Variants in GLS observed in about 807,000 individuals in gnomAD.
GLS encodes glutaminase kidney isoform, mitochondrial.
Under a neutral mutation model 86.7 loss-of-function variants are expected in GLS, and 36 were observed. That is an observed-to-expected ratio of 0.42 (90% CI 0.32 to 0.55). The LOEUF (loss-of-function observed/expected upper bound fraction) is 0.55, where lower values mean the gene tolerates loss of function less well. Among genes scored for constraint, GLS ranks in the 20% least tolerant of loss-of-function variants. The pLI is 0.17. For synonymous variants in GLS, 317 were observed against 305.9 expected (o/e 1.04, Z -0.38); for missense variants, 528 against 833.4 (o/e 0.63, Z 4.51).
At chr2:190,928,038 C>CGAGA (rs138929681) in intron 12 of GLS, among the ~76,000 whole-genome samples, 1 of 149,952 alleles carries the variant, frequency 6.7e-6, no homozygotes, top group East Asian at 1.9e-4. Flanking sequence ...ACATGTAAAA[C>CGAGA]GAGAGAGAGA....
intron 6 of GLS, among the ~76,000 whole-genome samples, chr2:190,906,093 A>G (rs1029252776): frequency 6.6e-6 from 1 of 152,052 alleles, no homozygotes; most frequent in Non-Finnish European, 1.5e-5. Context: ...TTTTACCGTA[A>G]CCTTTTTATT....
At position 190,949,102 on chromosome 2, in the gene GLS, C is replaced by T. The variant is rs1380006016; in HGVS notation, c.1651-4463C>T. On this transcript the variant is annotated intron_variant, in intron 14 of 17. Transcript: ENST00000320717. The surrounding 1 kb of genome is among the most constrained non-coding windows in gnomAD (Gnocchi z 4.0). ...ATCTGGGTGTTCTTAAGAGCATAGA[C>T]ACCAAGACAAAAACAAGGGCAGTAA... 1.3e-5 allele frequency among the ~76,000 whole-genome samples: 2 copies of T among 152,068 alleles called. No individual in the cohort carries two copies. Among genetic ancestry groups the T allele is most frequent in the Non-Finnish European group, 2.9e-5 (2 of 68,010 alleles).
intron 1 of GLS, among the ~76,000 whole-genome samples, chr2:190,889,687 AC>A (rs1190619632): frequency 1.3e-5 from 2 of 152,112 alleles, no homozygotes; most frequent in African/African-American, 4.8e-5. Flanking sequence ...TAGTCTTCCC[AC>A]CCGAGACAGC....
In GLS at chr2:190,920,226, AC is replaced by A. The variant is rs1451501094; in HGVS notation, c.1039-797del. 6.6e-6 allele frequency: 1 copy of A among 151,986 alleles called. No individual in the cohort carries two copies. Among genetic ancestry groups the A allele is most frequent in the African/African-American group, 2.4e-5 (1 of 41,438 alleles). The allele number at this position is 151,986 out of a possible 1,614,324, so 9.4% of individuals were successfully genotyped here. Reference sequence around the variant, plus strand: ...ACGTTTGATTTCAGATCTACAACTTACTGCTTTGTAAACTTCGCCGAGGTAA... The same window carrying A: ...ACGTTTGATTTCAGATCTACAACTTATGCTTTGTAAACTTCGCCGAGGTAA... On this transcript the variant is annotated intron_variant, in intron 7 of 17. Coordinates refer to ENST00000320717, the MANE Select transcript of GLS (RefSeq NM_014905.5). This position sits in a 1 kb window ranked among gnomAD's most constrained non-coding sequence, Gnocchi z 4.2.
In GLS at chr2:190,951,924, G is replaced by T. The variant is rs1690729095; in HGVS notation, c.1651-1641G>T. The stretch of plus-strand genomic sequence containing the variant: ...CTGGAGACTTTAAACAAAATTATGG[G>T]CTGAGCATGTTGGCTCATGCCTGTA... On this transcript the variant is annotated intron_variant, in intron 14 of 17. Coordinates refer to ENST00000320717, the MANE Select transcript of GLS (RefSeq NM_014905.5). This position sits in a 1 kb window ranked among gnomAD's most constrained non-coding sequence, Gnocchi z 4.2. 6.6e-6 allele frequency among the ~76,000 whole-genome samples: 1 copy of T among 152,194 alleles called. No individual in the cohort carries two copies. Among genetic ancestry groups the T allele is most frequent in the Non-Finnish European group, 1.5e-5 (1 of 68,042 alleles).
chr2:190,917,938 T>A (rs1193781368), intron 7 of GLS, among the ~76,000 whole-genome samples: 1 of 152,012 alleles, frequency 6.6e-6, no homozygotes, highest in African/African-American at 2.4e-5. Context: ...AAAAACAAAA[T>A]CTTTTTGAGC....
Position 190,921,092 on chromosome 2 carries a change from T to A in GLS, c.1071+36T>A. 1.3e-6 allele frequency: 2 copies of A among 1,568,170 alleles called. No homozygotes were observed. Among genetic ancestry groups the A allele is most frequent in the South Asian group, 2.2e-5 (2 of 90,028 alleles). ...CATGTCATTCAGTTTTCATGCCACA[T>A]TCTCTATATATTTGTTTTTTGATTA... On this transcript the variant is annotated intron_variant, in intron 8 of 17. Coordinates refer to ENST00000320717, the MANE Select transcript of GLS (RefSeq NM_014905.5). This position sits in a 1 kb window ranked among gnomAD's most constrained non-coding sequence, Gnocchi z 4.2.
chr2:190,895,834 A>G lies in GLS; in HGVS notation c.605+109A>G. 1.3e-6 allele frequency: 1 copy of G among 749,112 alleles called. No individual in the cohort carries two copies. The highest frequency in any genetic ancestry group is 2.6e-5 in the East Asian group (1 of 38,956). 46.4% of individuals were successfully genotyped at this position (749,112 alleles called of 1,614,324 possible). On this transcript the variant is annotated intron_variant, in intron 3 of 17. Coordinates refer to ENST00000320717, the MANE Select transcript of GLS (RefSeq NM_014905.5). The surrounding 1 kb of genome is among the most constrained non-coding windows in gnomAD (Gnocchi z 4.2). ...GGCCACTGCTTCCTGTGTAATGGAA[A>G]AAGGGGATTTATAAACATCATTTGT...
Position 190,881,172 on chromosome 2 carries a change from C to G in GLS, c.88C>G (p.Pro30Ala). The part of the protein sequence containing the change: ...GVSATLRRAQ[P>A]LVTLCRRPRG... The stretch of plus-strand genomic sequence containing the variant: ...GAGCGCGACTCTGCGGCGGGCACAG[C>G]CCTTGGTCACCCTGTGCCGGCGTCC... Residue 30 changes from proline (P) to alanine (A), a missense_variant, in exon 1 of 18, where the codon CCC becomes GCC. Physicochemically the swap from Pro to Ala is conservative, Grantham distance 27. Around this residue, in one of 4 missense-constraint regions of GLS, gnomAD observed 224 missense variants for 187.9 expected, o/e 1.19. Transcript: ENST00000320717. 4 of 1,494,054 alleles carry G rather than the reference C, an allele frequency of 2.7e-6. No homozygotes were observed. Among genetic ancestry groups the G allele is most frequent in the South Asian group, 1.2e-5 (1 of 80,694 alleles). The allele number at this position is 1,494,054 out of a possible 1,614,324, so 92.5% of individuals were successfully genotyped here. A position where few individuals can be genotyped will look rare whatever the true frequency, so the allele number is the denominator to read the frequency against.
chr2:190,923,469 A>T (rs942176820), intron 9 of GLS, among the ~76,000 whole-genome samples: 5 of 152,146 alleles, frequency 3.3e-5, no homozygotes, highest in Non-Finnish European at 5.9e-5. Context: ...CTATTAGTCC[A>T]TTGAGTCCTG....
chr2:190,886,217 A>AT (rs1688374199), intron 1 of GLS, among the ~76,000 whole-genome samples: 1 of 152,158 alleles, frequency 6.6e-6, no homozygotes, highest in African/African-American at 2.4e-5. Context: ...CAATAACTAT[A>AT]TGTCATAACA....
rs1241395446 is a variant in GLS at position 190,914,941 on chromosome 2, A to C, written c.1038+4620A>C. 6.6e-6 allele frequency among the ~76,000 whole-genome samples: 1 copy of C among 152,116 alleles called. No homozygotes were observed. Among genetic ancestry groups the C allele is most frequent in the Admixed American group, 6.5e-5 (1 of 15,276 alleles). On this transcript the variant is annotated intron_variant, in intron 7 of 17. Coordinates refer to ENST00000320717, the MANE Select transcript of GLS (RefSeq NM_014905.5). The surrounding 1 kb of genome is among the most constrained non-coding windows in gnomAD (Gnocchi z 4.4). ...TGTTAAAACTCAGTGCCTCTATCAA[A>C]TTTTCATTCATACAGTATTCTTCAA... is the stretch of plus-strand genomic sequence containing the variant.
Position 190,949,092 on chromosome 2 carries a change from A to T in GLS, c.1651-4473A>T, listed in dbSNP as rs979265643. Among the ~76,000 whole-genome samples, 6 of 152,158 alleles carry T rather than the reference A, an allele frequency of 3.9e-5. No individual in the cohort carries two copies. The highest frequency in any genetic ancestry group is 1.4e-4 in the African/African-American group (6 of 41,412). Reference sequence around the variant, plus strand: ...TTGATTAGGAATCTGGGTGTTCTTAAGAGCATAGACACCAAGACAAAAACA... The same window carrying T: ...TTGATTAGGAATCTGGGTGTTCTTATGAGCATAGACACCAAGACAAAAACA... On this transcript the variant is annotated intron_variant, in intron 14 of 17. Coordinates refer to ENST00000320717, the MANE Select transcript of GLS (RefSeq NM_014905.5). This position sits in a 1 kb window ranked among gnomAD's most constrained non-coding sequence, Gnocchi z 4.0.
In GLS at chr2:190,938,880, A is replaced by C. The variant is rs1354972146; in HGVS notation, c.1650+7243A>C. 6.6e-6 allele frequency among the ~76,000 whole-genome samples: 1 copy of C among 151,798 alleles called. No homozygotes were observed. Among genetic ancestry groups the C allele is most frequent in the African/African-American group, 2.4e-5 (1 of 41,448 alleles). ...AGTTAGAAGTAAATGTTAAAGTTAC[A>C]CAGTAGTTCTAAAAATAAAACATTA... On this transcript the variant is annotated intron_variant, in intron 14 of 17. Transcript: ENST00000320717. The surrounding 1 kb of genome is among the most constrained non-coding windows in gnomAD (Gnocchi z 4.1).
chr2:190,944,558 T>C (rs1690534015), intron 14 of GLS, among the ~76,000 whole-genome samples: 1 of 152,242 alleles, frequency 6.6e-6, no homozygotes, highest in African/African-American at 2.4e-5. Context: ...TCTCTTCTGC[T>C]TTCTGGCTTA....
rs1690488715 is a variant in GLS at position 190,943,078 on chromosome 2, A to G, written c.1651-10487A>G. Among the ~76,000 whole-genome samples, 1 of 152,230 alleles carries G rather than the reference A, an allele frequency of 6.6e-6. No homozygotes were observed. The highest frequency in any genetic ancestry group is 1.5e-5 in the Non-Finnish European group (1 of 68,026). ...CAGACTAACTGCAAGGGAATCTGGG[A>G]AAGTGTTTTTAATTGGACACAATAC... On this transcript the variant is annotated intron_variant, in intron 14 of 17. Coordinates refer to ENST00000320717, the MANE Select transcript of GLS (RefSeq NM_014905.5). The surrounding 1 kb of genome is among the most constrained non-coding windows in gnomAD (Gnocchi z 4.5).
At chr2:190,909,333 T>C (rs971148224) in intron 6 of GLS, among the ~76,000 whole-genome samples, 14 of 152,232 alleles carry the variant, frequency 9.2e-5, no homozygotes. Flanking sequence ...GAAGACAAAG[T>C]ATGCTTTCTT....
At chr2:190,932,378 T>A (rs552042779) in intron 14 of GLS, among the ~76,000 whole-genome samples, 113 of 152,056 alleles carry the variant, frequency 7.4e-4, no homozygotes, top group African/African-American at 2.6e-3. Flanking sequence ...ATTGAAAATG[T>A]TTGTAGTAAA....
chr2:190,933,933 C>T, intron 14 of GLS: 2 of 914,160 alleles, frequency 2.2e-6, no homozygotes, highest in Non-Finnish European at 2.6e-6. Context: ...TATAAAAATG[C>T]AATATTGAGA....
Sources: gnomAD v4.1 joint callset for allele counts (sites outside exome capture counted in the v4.1 genomes callset) on GRCh38, gnomAD v4.1.1 for gene constraint, gnomAD v4.1.1 regional missense constraint, Gnocchi (gnomAD v3.1) non-coding constraint, MANE v1.5 for transcripts, NCBI Gene and HGNC (gene_info 2026-07-23, HGNC 2026-07-21) for gene names.